Variants in C1QTNF3 observed in about 807,000 individuals in gnomAD.
The protein encoded by C1QTNF3 is complement C1q tumor necrosis factor-related protein 3.
In C1QTNF3, 26 loss-of-function variants were observed where a neutral mutation model predicts 32.6. The observed-to-expected ratio is 0.80, with a 90% CI of 0.58 to 1.11. The LOEUF (loss-of-function observed/expected upper bound fraction) is 1.11, where lower values mean the gene tolerates loss of function less well. Ranked by LOEUF, C1QTNF3 falls within the 50% of genes least tolerant of loss-of-function variation. The pLI is 0.00. For missense variants in C1QTNF3, 362 were observed against 398.2 expected, an observed-to-expected ratio of 0.91 and a Z score of 0.77; for synonymous variants, 155 against 146.0, an observed-to-expected ratio of 1.06 and a Z score of -0.44.
chr5:34,231,697 T>TAA, the C1QTNF3 span, among the ~76,000 whole-genome samples: 1 of 151,856 alleles, frequency 6.6e-6, no homozygotes, highest in African/African-American at 2.4e-5. Flanking sequence ...AGAGTTGAGG[T>TAA]TTGGGAACCT....
the C1QTNF3 span, among the ~76,000 whole-genome samples, chr5:34,173,277 C>A: frequency 6.6e-6 from 1 of 152,016 alleles, no homozygotes; most frequent in South Asian, 2.1e-4. Flanking sequence ...CTAGAATGTA[C>A]AATTTCACAG....
At chr5:34,137,570 A>G in the C1QTNF3 span, among the ~76,000 whole-genome samples, 1 of 152,226 alleles carries the variant, frequency 6.6e-6, no homozygotes, top group Non-Finnish European at 1.5e-5. Context: ...GTGGGCAACC[A>G]GCAGTCTAGT....
chr5:34,174,336 C>T, the C1QTNF3 span, among the ~76,000 whole-genome samples: 10 of 152,284 alleles, frequency 6.6e-5, no homozygotes, highest in East Asian at 7.8e-4. Flanking sequence ...GGATTACAGG[C>T]GTGAGCCACT....
intron 1 of C1QTNF3, among the ~76,000 whole-genome samples, chr5:34,038,286 A>C (rs1374099454): frequency 6.6e-6 from 1 of 152,142 alleles, no homozygotes; most frequent in African/African-American, 2.4e-5. Flanking sequence ...CACAGGGAGG[A>C]TGGAAGGCTC....
At chr5:34,145,098 C>T in the C1QTNF3 span, among the ~76,000 whole-genome samples, 1 of 152,104 alleles carries the variant, frequency 6.6e-6, no homozygotes, top group African/African-American at 2.4e-5. Context: ...CACTGCACTC[C>T]AGCCTGGGTG....
At chr5:34,207,531 CTGTT>C in the C1QTNF3 span, among the ~76,000 whole-genome samples, 16 of 152,156 alleles carry the variant, frequency 1.1e-4, no homozygotes, top group South Asian at 4.1e-4. Context: ...TATAAAGTGT[CTGTT>C]TGGCATACTT....
intron 1 of C1QTNF3, 138 bp downstream of exon 1, chr5:34,042,685 T>C: frequency 1.2e-6 from 1 of 816,102 alleles, no homozygotes; most frequent in African/African-American, 1.7e-5. Context: ...CAGAAAGAGA[T>C]TCACAAGCAG....
the C1QTNF3 span, among the ~76,000 whole-genome samples, chr5:34,176,234 C>G: frequency 7.4e-6 from 1 of 135,926 alleles, no homozygotes; most frequent in South Asian, 2.3e-4. Flanking sequence ...AGGGGAACAT[C>G]ACACTCTGGG....
At chr5:34,041,234 G>T (rs6889019) in intron 1 of C1QTNF3, among the ~76,000 whole-genome samples, 105,046 of 152,072 alleles carry the variant, frequency 0.69, 36,519 homozygotes, top group East Asian at 0.85. Flanking sequence ...AGGAGTTGTA[G>T]TGAAAACTTC....
chr5:34,036,744 G>A lies in C1QTNF3; in HGVS notation c.304-986C>T, dbSNP rs939077630. 2.0e-5 allele frequency among the ~76,000 whole-genome samples: 3 copies of A among 152,160 alleles called. No individual in the cohort carries two copies. In the East Asian group the frequency reaches 5.8e-4, roughly 29 times the overall value. Reference sequence around the variant, plus strand: ...AGGCAGGTGGATCACCTGAGGTCAGGAGTTGGAGACCAGCCTGGCCAGCAT... The same window carrying A: ...AGGCAGGTGGATCACCTGAGGTCAGAAGTTGGAGACCAGCCTGGCCAGCAT... On this transcript the variant is annotated intron_variant, in intron 1 of 5. Coordinates refer to ENST00000382065, the MANE Select transcript of C1QTNF3 (RefSeq NM_181435.6).
chr5:34,218,838 C>A, the C1QTNF3 span, among the ~76,000 whole-genome samples: 2 of 151,934 alleles, frequency 1.3e-5, no homozygotes, highest in Non-Finnish European at 2.9e-5. Flanking sequence ...GTATACTATG[C>A]TTACATTAAG....
chr5:34,075,522 C>A, the C1QTNF3 span, among the ~76,000 whole-genome samples: 1 of 151,350 alleles, frequency 6.6e-6, no homozygotes, highest in Non-Finnish European at 1.5e-5. Flanking sequence ...TATGAGTCTT[C>A]AATTTGATAG....
chr5:34,112,379 G>A, the C1QTNF3 span, among the ~76,000 whole-genome samples: 1 of 152,056 alleles, frequency 6.6e-6, no homozygotes, highest in South Asian at 2.1e-4. Context: ...AACTTTCCTG[G>A]CAGGGTGCAG....
the C1QTNF3 span, among the ~76,000 whole-genome samples, chr5:34,160,629 C>CGG: frequency 2.0e-5 from 3 of 152,120 alleles, no homozygotes; most frequent in Admixed American, 6.6e-5. Flanking sequence ...CTCAACTCCA[C>CGG]CACTTACTAA....
chr5:34,111,199 T>C, the C1QTNF3 span, among the ~76,000 whole-genome samples: 1 of 152,136 alleles, frequency 6.6e-6, no homozygotes, highest in Non-Finnish European at 1.5e-5. Flanking sequence ...CTGAGAATTC[T>C]TAATGGACAT....
chr5:34,141,633 A>G, the C1QTNF3 span, among the ~76,000 whole-genome samples: 1 of 152,150 alleles, frequency 6.6e-6, no homozygotes, highest in Non-Finnish European at 1.5e-5. Flanking sequence ...GTCAGACAAA[A>G]AAAGACTAAT....
At chr5:34,175,016 G>T in the C1QTNF3 span, among the ~76,000 whole-genome samples, 2 of 151,568 alleles carry the variant, frequency 1.3e-5, no homozygotes, top group Admixed American at 6.6e-5. Flanking sequence ...CAAAGTGCTG[G>T]GATTACAGGC....
chr5:34,201,724 T>A, the C1QTNF3 span, among the ~76,000 whole-genome samples: 1 of 152,156 alleles, frequency 6.6e-6, no homozygotes, highest in South Asian at 2.1e-4. Context: ...CTACAAAACA[T>A]CATTTAAGTG....
the C1QTNF3 span, among the ~76,000 whole-genome samples, chr5:34,221,048 G>C: frequency 2.0e-5 from 3 of 152,062 alleles, no homozygotes; most frequent in African/African-American, 7.2e-5. Flanking sequence ...TAGCAGCCAA[G>C]GGGGAAAGAA....
Sources: gnomAD v4.1 joint callset for allele counts (sites outside exome capture counted in the v4.1 genomes callset) on GRCh38, gnomAD v4.1.1 for gene constraint, MANE v1.5 for transcripts, NCBI Gene and HGNC (gene_info 2026-07-23, HGNC 2026-07-21) for gene names.